The following MYO19 variants were observed in gnomAD, a reference collection of about 807,000 sequenced individuals.
The protein encoded by MYO19 is myosin XIX, also known as unconventional myosin-XIX.
A neutral mutation model predicts 129.2 loss-of-function variants in MYO19; 132 were observed. The observed-to-expected ratio is 1.02, with a 90% confidence interval of 0.89 to 1.18. The LOEUF is 1.18. Ranked by LOEUF, MYO19 falls within the 50% of genes most tolerant of loss-of-function variation. The pLI is 0.00. For synonymous variants in MYO19, 531 were observed against 477.2 expected (o/e 1.11, Z -1.47); for missense variants, 1,210 against 1,216.7 (o/e 0.99, Z 0.08).
upstream of MYO19, among the ~76,000 whole-genome samples, chr17:36,536,871 A>G (rs1377987063): frequency 2.0e-5 from 3 of 152,134 alleles, no homozygotes; most frequent in Admixed American, 6.5e-5. Context: ...AAGCTTTGTA[A>G]CCAATAATTT....
At chr17:36,514,314 G>A in intron 9 of MYO19, 132 bp downstream of exon 9, 2 of 683,310 alleles carry the variant, frequency 2.9e-6, no homozygotes, top group Non-Finnish European at 5.3e-6. Context: ...AAGTCTGCAG[G>A]ATAAAGTGGT....
At chr17:36,528,647 C>T (rs2073642645) in intron 3 of MYO19, among the ~76,000 whole-genome samples, 1 of 152,188 alleles carries the variant, frequency 6.6e-6, no homozygotes. Flanking sequence ...AATTTCAGTT[C>T]TGCCTCTTAG....
In MYO19 at chr17:36,496,170, T is replaced by C. The variant is rs907300432; in HGVS notation, c.*81A>G. 7.1e-6 allele frequency: 11 copies of C among 1,544,500 alleles called. No individual in the cohort carries two copies. Among genetic ancestry groups the C allele is most frequent in the Non-Finnish European group, 2.7e-6 (3 of 1,128,808 alleles). On this transcript the variant is annotated 3_prime_UTR_variant, in exon 26 of 26. Coordinates refer to ENST00000614623, the MANE Select transcript of MYO19 (RefSeq NM_001163735.2). ...TGCATTTGGAGCACTGTGGGAATAG[T>C]CTGGCAGCTGTGTGCTGATTAAATG...
chr17:36,513,126 A>C, intron 11 of MYO19: 1 of 1,375,458 alleles, frequency 7.3e-7, no homozygotes, highest in Non-Finnish European at 9.4e-7. Context: ...TAGACAAGCA[A>C]GGCGGTAGCA....
In MYO19 at chr17:36,506,693, C is replaced by T. The variant is rs563415364; in HGVS notation, c.1645-85G>A. 139 of 1,448,376 alleles carry T rather than the reference C, an allele frequency of 9.6e-5. No individual in the cohort carries two copies. In the African/African-American group the frequency reaches 1.3e-3, roughly 14 times the overall value. The allele number at this position is 1,448,376 out of a possible 1,614,324, so 89.7% of individuals were successfully genotyped here. On this transcript the variant is annotated intron_variant, in intron 17 of 25. Transcript: ENST00000614623. ...CACTGCCCACCCAAGCCGCAGATGA[C>T]GGGGCTTCCAGGTAGGACAGGGCCT...
At chr17:36,496,555 C>G (rs2070996025) in intron 25 of MYO19, 149 bp from the exon 26 acceptor site, 1 of 721,802 alleles carries the variant, frequency 1.4e-6, no homozygotes, top group African/African-American at 1.8e-5. Context: ...GCATTACATC[C>G]ACTCAGTGTG....
At chr17:36,536,689 A>G (rs557116283), upstream of MYO19, among the ~76,000 whole-genome samples, 1 of 151,522 alleles carries the variant, frequency 6.6e-6, no homozygotes, top group East Asian at 1.9e-4. Flanking sequence ...TAATTTTTGT[A>G]TTTTTAGTAG....
chr17:36,526,970 A>T (rs2073506234), intron 5 of MYO19, among the ~76,000 whole-genome samples: 1 of 152,122 alleles, frequency 6.6e-6, no homozygotes, highest in Non-Finnish European at 1.5e-5. Context: ...ACCTGATGTC[A>T]GGAGTTTGAG....
chr17:36,518,774 A>G (rs2072961471), intron 6 of MYO19, among the ~76,000 whole-genome samples: 1 of 151,594 alleles, frequency 6.6e-6, no homozygotes. Flanking sequence ...ATTTAAACCC[A>G]GGCATAGTGA....
intron 19 of MYO19, 89 bp downstream of exon 19, chr17:36,505,208 A>G: frequency 8.4e-7 from 1 of 1,189,694 alleles, no homozygotes; most frequent in Non-Finnish European, 1.3e-6. Flanking sequence ...TGTGCACTCC[A>G]TTTGGAACAG....
At chr17:36,539,618 TAGAC>T (rs2074185773), upstream of MYO19, among the ~76,000 whole-genome samples, 1 of 149,658 alleles carries the variant, frequency 6.7e-6, no homozygotes, top group African/African-American at 2.5e-5. Context: ...AAAAAAAAAA[TAGAC>T]TGAATTGGAT....
intron 18 of MYO19, among the ~76,000 whole-genome samples, chr17:36,505,706 A>G (rs1233830924): frequency 2.0e-5 from 3 of 152,174 alleles, no homozygotes; most frequent in Admixed American, 2.0e-4. Flanking sequence ...TTCTCCCCAG[A>G]GCAATCTTCT....
chr17:36,537,818 CTTTACCATAATAG>C, upstream of MYO19: 2 of 1,614,086 alleles, frequency 1.2e-6, no homozygotes, highest in East Asian at 2.2e-5. Flanking sequence ...GGAACTTTTT[CTTTACCATAATAG>C]TTGTGAAATT....
chr17:36,507,982 G>A, intron 14 of MYO19, 58 bp from the exon 15 acceptor site: 6 of 1,510,648 alleles, frequency 4.0e-6, no homozygotes, highest in Non-Finnish European at 4.4e-6. Context: ...GGGAATAGGG[G>A]ACCAAGGAAC....
rs1309259969 is a variant in MYO19 at position 36,525,343 on chromosome 17, T to C, written c.301-2A>G. The C allele has an allele frequency of 2.5e-6, 4 of 1,606,996 alleles. No individual in the cohort carries two copies. Among genetic ancestry groups the C allele is most frequent in the South Asian group, 1.1e-5 (1 of 90,758 alleles). On this transcript the variant is annotated splice_acceptor_variant, in intron 5 of 25. Coordinates refer to ENST00000614623, the MANE Select transcript of MYO19 (RefSeq NM_001163735.2). LOFTEE classifies it high-confidence loss of function. ...AGTGAACACATGGGGCTTCAGTTTC[T>C]GGAACATCAAGGAGTGAAAGGTCAT... is the stretch of plus-strand genomic sequence containing the variant.
chr17:36,503,890 G>A lies in MYO19; in HGVS notation c.1976+60C>T, dbSNP rs890011212. 95 of 1,360,260 alleles carry A rather than the reference G, an allele frequency of 7.0e-5. No individual in the cohort carries two copies. In the African/African-American group the frequency reaches 1.3e-3, roughly 18 times the overall value. The allele number at this position is 1,360,260 out of a possible 1,614,324, so 84.3% of individuals were successfully genotyped here. ...TGGGTTGGGCAGGCTCTTGCCCAAT[G>A]AGAGTCCTGAGCCCCACTCTGTACT... On this transcript the variant is annotated intron_variant, in intron 20 of 25. Transcript: ENST00000614623.
At chr17:36,499,285 A>G (rs2071288303) in intron 23 of MYO19, 125 bp from the exon 24 acceptor site, 2 of 621,300 alleles carry the variant, frequency 3.2e-6, no homozygotes, top group Non-Finnish European at 5.5e-6. Flanking sequence ...TTTTCAATAA[A>G]TTGCTACAAA....
intron 2 of MYO19, among the ~76,000 whole-genome samples, chr17:36,541,222 G>A (rs1424786263): frequency 2.6e-5 from 4 of 152,198 alleles, no homozygotes; most frequent in Non-Finnish European, 5.9e-5. Context: ...TGGGATTACA[G>A]GTGCGAGCCA....
At chr17:36,528,812 A>T (rs1309112535) in intron 3 of MYO19, among the ~76,000 whole-genome samples, 1 of 152,250 alleles carries the variant, frequency 6.6e-6, no homozygotes, top group African/African-American at 2.4e-5. Flanking sequence ...TGTACTCAAC[A>T]AATGCTATCT....
Sources: gnomAD v4.1 joint callset for allele counts (sites outside exome capture counted in the v4.1 genomes callset) on GRCh38, gnomAD v4.1.1 for gene constraint, MANE v1.5 for transcripts, NCBI Gene and HGNC (gene_info 2026-07-23, HGNC 2026-07-21) for gene names.